The following DNAAF1 variants were observed in gnomAD, a reference collection of about 807,000 sequenced individuals.
DNAAF1 encodes dynein axonemal assembly factor 1.
Under a neutral mutation model 71.1 loss-of-function variants are expected in DNAAF1, and 65 were observed. The ratio of observed to expected loss-of-function variants is 0.91; its 90% CI spans 0.75 to 1.12. The LOEUF is 1.12. DNAAF1 is among the 50% of genes most tolerant of loss of function. The probability of loss-of-function intolerance (pLI) is 0.00; values close to 1 mark genes in which losing one functional copy is unlikely to be tolerated. For missense variants in DNAAF1, 1,178 were observed against 899.8 expected, an observed-to-expected ratio of 1.31 and a Z score of -3.96; for synonymous variants, 414 against 354.6, an observed-to-expected ratio of 1.17 and a Z score of -1.88.
chr16:84,153,604 C>T (rs2087280353), intron 3 of DNAAF1, among the ~76,000 whole-genome samples: 1 of 152,050 alleles, frequency 6.6e-6, no homozygotes, highest in African/African-American at 2.4e-5. Context: ...TTATTTTGCT[C>T]ACCATTGATA....
At chr16:84,148,422 C>G (rs559892250) in intron 1 of DNAAF1, among the ~76,000 whole-genome samples, 7 of 151,664 alleles carry the variant, frequency 4.6e-5, no homozygotes, top group South Asian at 2.1e-4. Context: ...ACGTTGTTAA[C>G]AGTTTTTGGC....
At chr16:84,158,877 C>A in intron 5 of DNAAF1, 1 of 225,432 alleles carries the variant, frequency 4.4e-6, no homozygotes, top group Non-Finnish European at 7.4e-6. Flanking sequence ...ATTACAGGTG[C>A]TCACCATGAC....
chr16:84,159,144 C>T, intron 5 of DNAAF1: 1 of 996,338 alleles, frequency 1.0e-6, no homozygotes, highest in Non-Finnish European at 1.2e-6. Context: ...CTCCCTGGTC[C>T]TAAGTGACAG....
chr16:84,167,995 C>T (rs756886644), intron 7 of DNAAF1, among the ~76,000 whole-genome samples: 24 of 150,766 alleles, frequency 1.6e-4, no homozygotes, highest in African/African-American at 5.4e-4. Context: ...CCAGCCTGGG[C>T]GACAAGAGCG....
chr16:84,163,948 G>T (rs2087844275), intron 6 of DNAAF1, among the ~76,000 whole-genome samples: 2 of 151,944 alleles, frequency 1.3e-5, no homozygotes, highest in South Asian at 4.2e-4. Flanking sequence ...GGGACTGCAG[G>T]TGTGCACCAC....
intron 11 of DNAAF1, 71 bp downstream of exon 11, chr16:84,176,370 C>T (rs2088659157): frequency 6.2e-7 from 1 of 1,604,552 alleles, no homozygotes; most frequent in East Asian, 2.2e-5. Flanking sequence ...TGGGGCAGGG[C>T]AGTCACTCAG....
intron 2 of DNAAF1, among the ~76,000 whole-genome samples, chr16:84,149,420 A>T (rs1441773091): frequency 6.6e-6 from 1 of 152,174 alleles, no homozygotes; most frequent in Non-Finnish European, 1.5e-5. Flanking sequence ...GGCCGGGCGC[A>T]GTGGCTCATG....
rs768578892 is a variant in DNAAF1, at chr16:84,165,938, G to C, written c.1019G>C (p.Ser340Thr). The C allele has an allele frequency of 5.6e-6, 9 of 1,611,814 alleles. No homozygotes were observed. The East Asian group carries it at 2.0e-4, about 36-fold the overall frequency. Residue 340 changes from serine to threonine, a missense_variant, in exon 7 of 12, where the codon AGT becomes ACT. By Grantham distance (58) the Ser-to-Thr change is moderately conservative. Transcript: ENST00000378553. ...RAEERKRQRE[S>T]QERGEMTSSD... ...GAGGAGAGGAAAAGACAGAGAGAGA[G>C]TCAAGAGAGAGGTATGCGCTCGGCC...
rs1251460869 is a variant in DNAAF1 at position 84,170,307 on chromosome 16, C to T, written c.1479C>T (p.Thr493=). 6.2e-7 allele frequency: 1 copy of T among 1,611,940 alleles called. No individual in the cohort carries two copies. Among genetic ancestry groups the T allele is most frequent in the South Asian group, 1.1e-5 (1 of 90,962 alleles). The change falls in exon 8 of 12, where the codon ACC becomes ACT. Residue 493 remains threonine (T), a synonymous_variant. Transcript: ENST00000378553. ...GEDGDREPEG[T]LPAEAPPPPP... ...ATGGAGATCGAGAGCCAGAGGGGAC[C>T]CTCCCAGCTGAGGCCCCACCACCAC...
At chr16:84,175,656 G>A (rs760753151) in intron 10 of DNAAF1, 16 of 479,946 alleles carry the variant, frequency 3.3e-5, no homozygotes, top group East Asian at 4.1e-5. Context: ...AGAGCCCAGG[G>A]CTCAGGGGTG....
Position 84,171,964 on chromosome 16 carries a change from C to G in DNAAF1, c.1529-296C>G, listed in dbSNP as rs1398511609. On this transcript the variant is annotated intron_variant, in intron 8 of 11. Coordinates refer to ENST00000378553, the MANE Select transcript of DNAAF1 (RefSeq NM_178452.6). ...ACAATCTCGGCTCATTGCAACCTCC[C>G]TCTCCCAGGTTCAAGCTATTCTCCT... 2.6e-5 allele frequency among the ~76,000 whole-genome samples: 4 copies of G among 151,792 alleles called. No individual in the cohort carries two copies. The East Asian group carries it at 5.8e-4, about 22-fold the overall frequency.
intron 2 of DNAAF1, 100 bp from the exon 3 acceptor site, chr16:84,150,151 T>C (rs1345535843): frequency 4.8e-6 from 4 of 839,380 alleles, no homozygotes; most frequent in Admixed American, 1.9e-5. Context: ...TAGGATGTTA[T>C]AGAATTTTGG....
intron 10 of DNAAF1, 180 bp from the exon 11 acceptor site, chr16:84,175,753 C>T: frequency 1.4e-6 from 1 of 713,600 alleles, no homozygotes; most frequent in East Asian, 2.6e-5. Context: ...TGAGCTGTGC[C>T]CAGGGAGTGG....
intron 4 of DNAAF1, among the ~76,000 whole-genome samples, chr16:84,155,151 G>A (rs567463135): frequency 8.5e-4 from 130 of 152,230 alleles, no homozygotes; most frequent in Middle Eastern, 3.4e-3. Flanking sequence ...CTCGTGATCC[G>A]CCCGCCTTGG....
intron 11 of DNAAF1, 91 bp from the exon 12 acceptor site, chr16:84,177,638 G>GT: frequency 9.0e-7 from 1 of 1,109,036 alleles, no homozygotes; most frequent in Non-Finnish European, 1.4e-6. Context: ...TGAGGACACT[G>GT]AATTTGGCCT....
At chr16:84,158,546 A>G (rs944644077) in intron 5 of DNAAF1, among the ~76,000 whole-genome samples, 2 of 152,182 alleles carry the variant, frequency 1.3e-5, no homozygotes, top group Non-Finnish European at 1.5e-5. Context: ...TGATTAGGAC[A>G]CAATTCAGCC....
intron 1 of DNAAF1, among the ~76,000 whole-genome samples, chr16:84,145,956 G>A (rs2086882423): frequency 6.6e-6 from 1 of 152,124 alleles, no homozygotes; most frequent in East Asian, 1.9e-4. Flanking sequence ...AATGAGCTGG[G>A]CGTGGTGGCG....
intron 5 of DNAAF1, chr16:84,159,105 G>T: frequency 1.0e-6 from 1 of 992,754 alleles, no homozygotes; most frequent in Non-Finnish European, 1.2e-6. Context: ...GGGGGAGGAT[G>T]GCAGGTCGGA....
intron 5 of DNAAF1, among the ~76,000 whole-genome samples, chr16:84,156,450 A>C (rs1037371985): frequency 3.3e-5 from 5 of 152,190 alleles, no homozygotes; most frequent in African/African-American, 1.2e-4. Flanking sequence ...GAGGTGTGTC[A>C]GGTCCTTCCA....
Sources: allele counts gnomAD v4.1 joint callset (sites outside exome capture counted in the v4.1 genomes callset), GRCh38; gene constraint gnomAD v4.1.1; transcripts MANE v1.5; gene names NCBI Gene and HGNC (gene_info 2026-07-23, HGNC 2026-07-21).